GLG1: variants seen among roughly 807,000 people sequenced by gnomAD.
GLG1 encodes Golgi apparatus protein 1.
In GLG1, 38 loss-of-function variants were observed where a neutral mutation model predicts 160.5. The observed-to-expected ratio is 0.24, with a 90% CI of 0.18 to 0.31. The LOEUF (loss-of-function observed/expected upper bound fraction) is 0.31, where lower values mean the gene tolerates loss of function less well. Among genes scored for constraint, GLG1 ranks in the 10% least tolerant of loss-of-function variants. GLG1 has a pLI of 1.00. For synonymous variants in GLG1, 644 were observed against 543.4 expected (o/e 1.19, Z -2.57); for missense variants, 1,373 against 1,505.2 (o/e 0.91, Z 1.45).
intron 8 of GLG1, among the ~76,000 whole-genome samples, chr16:74,487,146 T>C (rs1377073612): frequency 2.0e-5 from 3 of 152,114 alleles, no homozygotes; most frequent in Non-Finnish European, 4.4e-5. Flanking sequence ...ACTCAAGTGA[T>C]CCGCCCACCT....
At position 74,607,088 on chromosome 16, in the gene GLG1, C is replaced by T; in HGVS notation, c.7G>A (p.Ala3Thr). 1.9e-6 allele frequency: 3 copies of T among 1,544,542 alleles called. No individual in the cohort carries two copies. Among genetic ancestry groups the T allele is most frequent in the African/African-American group, 1.4e-5 (1 of 73,220 alleles). Residue 3 changes from alanine (A) to threonine (T), a missense_variant, in exon 1 of 26, where the codon GCG (alanine) becomes ACG (threonine). Around this residue, in one of 4 missense-constraint regions of GLG1, gnomAD observed 322 missense variants for 254.6 expected, o/e 1.26. Coordinates refer to ENST00000422840, the MANE Select transcript of GLG1 (RefSeq NM_001145667.2). MAACGRVRRMFRL... is the reference protein window; with the variant it reads MATCGRVRRMFRL... ...AACATCCTCCGTACACGTCCACACG[C>T]CGCCATCTTGAGTCCGCGGCGAGCT... is the stretch of plus-strand genomic sequence containing the variant.
intron 1 of GLG1, among the ~76,000 whole-genome samples, chr16:74,549,341 T>C (rs1263039987): frequency 1.3e-5 from 2 of 152,104 alleles, no homozygotes; most frequent in Non-Finnish European, 2.9e-5. Context: ...TTGCCCAGGC[T>C]GAAGTGCAGT....
At chr16:74,563,802 T>C (rs936485004) in intron 1 of GLG1, among the ~76,000 whole-genome samples, 4 of 152,154 alleles carry the variant, frequency 2.6e-5, no homozygotes, top group African/African-American at 9.7e-5. Flanking sequence ...CAGATTCTAC[T>C]GCAAAGGCTA....
chr16:74,583,386 T>C (rs2143829476), intron 1 of GLG1, among the ~76,000 whole-genome samples: 1 of 152,280 alleles, frequency 6.6e-6, no homozygotes, highest in Admixed American at 6.5e-5. Flanking sequence ...CTTTGACTTT[T>C]TTGGGGGGTT....
Position 74,452,363 on chromosome 16 carries a change from C to T in GLG1, c.*804G>A, listed in dbSNP as rs2014347584. 1.5e-6 allele frequency: 2 copies of T among 1,357,684 alleles called. No individual in the cohort carries two copies. Among genetic ancestry groups the T allele is most frequent in the Non-Finnish European group, 1.9e-6 (2 of 1,050,774 alleles). 84.1% of individuals were successfully genotyped at this position (1,357,684 alleles called of 1,614,324 possible). On this transcript the variant is annotated 3_prime_UTR_variant, in exon 26 of 26. Transcript: ENST00000422840. ...GCTGCCCCGGGACTCAGGATCCAGC[C>T]TCTCAGTGCAGATGGATGGACTGTT... is the stretch of plus-strand genomic sequence containing the variant.
chr16:74,470,660 T>C (rs2015173493), intron 15 of GLG1, among the ~76,000 whole-genome samples: 1 of 151,986 alleles, frequency 6.6e-6, no homozygotes, highest in South Asian at 2.1e-4. Context: ...GTTAGCCAGG[T>C]TGGTCTCGAG....
intron 1 of GLG1, among the ~76,000 whole-genome samples, chr16:74,571,954 G>A (rs1359062021): frequency 1.3e-5 from 2 of 152,220 alleles, no homozygotes; most frequent in African/African-American, 2.4e-5. Context: ...GTTTCCTGAC[G>A]CACAGATCTA....
In GLG1 at chr16:74,586,300, G is replaced by A. The variant is rs1169062499; in HGVS notation, c.438+20357C>T. On this transcript the variant is annotated intron_variant, in intron 1 of 25. Coordinates refer to ENST00000422840, the MANE Select transcript of GLG1 (RefSeq NM_001145667.2). Reference sequence around the variant, plus strand: ...TTGTGTTCAACCACTGATATTTTTGGGTTTTTTATGGAAGTTAGTTTTGTC... The same window carrying A: ...TTGTGTTCAACCACTGATATTTTTGAGTTTTTTATGGAAGTTAGTTTTGTC... Among the ~76,000 whole-genome samples, 7 of 152,088 alleles carry A rather than the reference G, an allele frequency of 4.6e-5. No homozygotes were observed. The East Asian group carries it at 1.3e-3, about 29-fold the overall frequency.
At chr16:74,535,178 GAA>G (rs1445141446) in intron 1 of GLG1, among the ~76,000 whole-genome samples, 1 of 152,030 alleles carries the variant, frequency 6.6e-6, no homozygotes, top group Non-Finnish European at 1.5e-5. Context: ...TGTCTGTTAT[GAA>G]GAAAAAATGA....
chr16:74,588,456 G>A (rs920561849), intron 1 of GLG1, among the ~76,000 whole-genome samples: 1 of 151,594 alleles, frequency 6.6e-6, no homozygotes, highest in Admixed American at 6.6e-5. Context: ...TTTGAGACAG[G>A]GTCTCACTCT....
At position 74,545,447 on chromosome 16, in the gene GLG1, C is replaced by A. The variant is rs192651430; in HGVS notation, c.439-13294G>T. On this transcript the variant is annotated intron_variant, in intron 1 of 25. Coordinates refer to ENST00000422840, the MANE Select transcript of GLG1 (RefSeq NM_001145667.2). The stretch of plus-strand genomic sequence containing the variant: ...CCACACACCTCAGCCTCCCAAAGTG[C>A]TGGGATTACCAGCATGAGCCACACC... Among the ~76,000 whole-genome samples, 19 of 152,276 alleles carry A rather than the reference C, an allele frequency of 1.2e-4. No homozygotes were observed. The East Asian group carries it at 3.7e-3, about 29-fold the overall frequency.
intron 1 of GLG1, among the ~76,000 whole-genome samples, chr16:74,599,113 A>C (rs959600345): frequency 3.3e-5 from 5 of 152,310 alleles, no homozygotes; most frequent in African/African-American, 1.2e-4. Context: ...ATTTCTTAAA[A>C]AGTATTTGCC....
Position 74,449,102 on chromosome 16 carries a change from A to T in GLG1, c.*4065T>A, listed in dbSNP as rs1355905910. 1 of 152,296 alleles carries T rather than the reference A, an allele frequency of 6.6e-6. No individual in the cohort carries two copies. Among genetic ancestry groups the T allele is most frequent in the South Asian group, 2.1e-4 (1 of 4,824 alleles). 9.4% of individuals were successfully genotyped at this position (152,296 alleles called of 1,614,324 possible). ...GCAACGGAGTGAGACTCCATCTCAGAAACAAAACAAAAAACCAAAAAAGCC... is the reference window on the plus strand; with the variant it reads ...GCAACGGAGTGAGACTCCATCTCAGTAACAAAACAAAAAACCAAAAAAGCC... On this transcript the variant is annotated 3_prime_UTR_variant, in exon 26 of 26. Transcript: ENST00000422840.
At chr16:74,542,736 A>AAG (rs1567513923) in intron 1 of GLG1, among the ~76,000 whole-genome samples, 177 of 5,890 alleles carry the variant, frequency 0.03, 15 homozygotes, top group Non-Finnish European at 0.071. Context: ...GAAGGAAGGG[A>AAG]GGAAGGAAGG....
intron 19 of GLG1, among the ~76,000 whole-genome samples, chr16:74,464,443 C>A (rs1313662814): frequency 6.6e-6 from 1 of 152,216 alleles, no homozygotes; most frequent in Non-Finnish European, 1.5e-5. Context: ...CAGGGATCAG[C>A]TGTGGACTAG....
intron 1 of GLG1, among the ~76,000 whole-genome samples, chr16:74,549,762 A>G (rs1218896509): frequency 6.6e-6 from 1 of 151,836 alleles, no homozygotes; most frequent in Non-Finnish European, 1.5e-5. Flanking sequence ...ACCTTGAGAA[A>G]AGTTTGGATG....
At chr16:74,466,850 A>C (rs1165901473) in intron 18 of GLG1, among the ~76,000 whole-genome samples, 1 of 152,218 alleles carries the variant, frequency 6.6e-6, no homozygotes, top group African/African-American at 2.4e-5. Context: ...CAAAGAAATG[A>C]AAAGTACCAA....
chr16:74,480,236 CA>C lies in GLG1; in HGVS notation c.1827+4del, dbSNP rs1388402373. ...GAAGAAATGAAGTCGATATTCACTGCATACCCTCCTTCCCTGTTCCTCAGTG... is the reference window on the plus strand; with the variant it reads ...GAAGAAATGAAGTCGATATTCACTGCTACCCTCCTTCCCTGTTCCTCAGTG... On this transcript the variant is annotated splice_donor_region_variant and intron_variant, in intron 11 of 25. Coordinates refer to ENST00000422840, the MANE Select transcript of GLG1 (RefSeq NM_001145667.2). The C allele has an allele frequency of 6.3e-7, 1 of 1,599,708 alleles. No individual in the cohort carries two copies. The highest frequency in any genetic ancestry group is 8.6e-7 in the Non-Finnish European group (1 of 1,167,110).
chr16:74,522,468 G>C (rs1296842465), intron 2 of GLG1, among the ~76,000 whole-genome samples: 1 of 152,140 alleles, frequency 6.6e-6, no homozygotes, highest in Non-Finnish European at 1.5e-5. Flanking sequence ...ATTACTAAGC[G>C]AAGTTAAGCA....
Sources: gnomAD v4.1 joint callset for allele counts (sites outside exome capture counted in the v4.1 genomes callset) on GRCh38, gnomAD v4.1.1 for gene constraint, gnomAD v4.1.1 regional missense constraint, MANE v1.5 for transcripts, NCBI Gene and HGNC (gene_info 2026-07-23, HGNC 2026-07-21) for gene names.